Variants in GPHN observed in about 807,000 individuals in gnomAD.
GPHN encodes the protein gephyrin.
In GPHN, 17 loss-of-function variants were observed where a neutral mutation model predicts 95.5. The ratio of observed to expected loss-of-function variants is 0.18; its 90% CI spans 0.12 to 0.27. The LOEUF (loss-of-function observed/expected upper bound fraction) is 0.27. GPHN is among the 10% of genes least tolerant of loss of function. GPHN has a pLI of 1.00. For synonymous variants in GPHN, 320 were observed against 322.5 expected, an observed-to-expected ratio of 0.99 and a Z score of 0.08; for missense variants, 660 against 978.1, an observed-to-expected ratio of 0.67 and a Z score of 4.34.
the GPHN span, among the ~76,000 whole-genome samples, chr14:67,262,620 A>G: frequency 5.3e-5 from 8 of 152,166 alleles, no homozygotes; most frequent in Admixed American, 5.2e-4. Flanking sequence ...ATTTTACCCT[A>G]GTCAACTCTG....
At chr14:66,837,524 G>A (rs931128016) in intron 4 of GPHN, among the ~76,000 whole-genome samples, 2 of 149,940 alleles carry the variant, frequency 1.3e-5, no homozygotes, top group Non-Finnish European at 3.0e-5. Context: ...CAGCACACCA[G>A]CATGGCACAT....
chr14:67,443,404 T>A, the GPHN span, among the ~76,000 whole-genome samples: 1 of 152,072 alleles, frequency 6.6e-6, no homozygotes, highest in Non-Finnish European at 1.5e-5. Flanking sequence ...ACAACCTTTT[T>A]AATCACCTGC....
chr14:66,869,625 ACTC>A (rs1238280109), intron 4 of GPHN, among the ~76,000 whole-genome samples: 1 of 151,674 alleles, frequency 6.6e-6, no homozygotes. Flanking sequence ...GTTCTCTACT[ACTC>A]TTTGCAGGTA....
intron 11 of GPHN, among the ~76,000 whole-genome samples, chr14:67,087,701 T>A (rs988719169): frequency 1.3e-5 from 2 of 152,154 alleles, no homozygotes; most frequent in African/African-American, 4.8e-5. Context: ...TACTTCTAGG[T>A]CCTAGGATCT....
At chr14:66,918,960 T>C (rs369791383) in intron 6 of GPHN, among the ~76,000 whole-genome samples, 1 of 152,266 alleles carries the variant, frequency 6.6e-6, no homozygotes, top group Admixed American at 6.5e-5. Context: ...TTACTTCAAA[T>C]GTGAAAGAGA....
rs140474913 is a variant in GPHN at position 67,041,618 on chromosome 14, T to C, written c.1007-17031T>C. 2.3e-3 allele frequency among the ~76,000 whole-genome samples: 343 copies of C among 152,340 alleles called. 3 individuals are homozygous for C. The Middle Eastern group carries it at 0.024, about 11-fold the overall frequency. ...ACATTTTCTTAATCCAGTGTATCAT[T>C]GATGGACATCTGGGTTGGTTCCAAG... On this transcript the variant is annotated intron_variant, in intron 10 of 22. Coordinates refer to ENST00000478722, the MANE Select transcript of GPHN (RefSeq NM_020806.5).
At chr14:67,522,905 C>T in the GPHN span, among the ~76,000 whole-genome samples, 1 of 152,234 alleles carries the variant, frequency 6.6e-6, no homozygotes, top group Non-Finnish European at 1.5e-5. Context: ...TTGATGATCC[C>T]AGAGACTCTA....
rs542048953 is a variant in GPHN, at chr14:66,758,067, A to C, written c.144-18397A>C. On this transcript the variant is annotated intron_variant, in intron 2 of 22. Transcript: ENST00000478722. The stretch of plus-strand genomic sequence containing the variant: ...TGTGCTGATTGGTTTGTGATTATGC[A>C]AAAAAGGTTAAAGTGAAGACACCAC... Among the ~76,000 whole-genome samples, 28 of 152,306 alleles carry C rather than the reference A, an allele frequency of 1.8e-4. No individual in the cohort carries two copies. In the East Asian group the frequency reaches 4.6e-3, roughly 25 times the overall value.
chr14:66,782,022 T>G (rs2059623752), intron 3 of GPHN, among the ~76,000 whole-genome samples: 1 of 152,216 alleles, frequency 6.6e-6, no homozygotes, highest in African/African-American at 2.4e-5. Context: ...TATTTAAATA[T>G]TCTTTGTCTG....
intron 1 of GPHN, among the ~76,000 whole-genome samples, chr14:66,557,812 T>A (rs971693877): frequency 5.4e-4 from 82 of 152,168 alleles, no homozygotes; most frequent in African/African-American, 1.9e-3. Context: ...GAATTATGCA[T>A]GGAATGAATT....
intron 3 of GPHN, among the ~76,000 whole-genome samples, chr14:66,819,952 G>C (rs969046410): frequency 6.6e-6 from 1 of 152,040 alleles, no homozygotes; most frequent in African/African-American, 2.4e-5. Context: ...TTAAGCAGAA[G>C]AAAAGGGAAC....
the GPHN span, among the ~76,000 whole-genome samples, chr14:67,190,014 A>ATTT: frequency 1.8e-5 from 2 of 113,238 alleles, no homozygotes; most frequent in South Asian, 2.8e-4. Flanking sequence ...CTAATTTTGT[A>ATTT]TTTTTTTTTT....
chr14:67,221,578 A>G, the GPHN span, among the ~76,000 whole-genome samples: 1 of 152,234 alleles, frequency 6.6e-6, no homozygotes, highest in Non-Finnish European at 1.5e-5. Context: ...TACAGATTGA[A>G]TAGTCCACAT....
At chr14:66,830,971 A>C (rs1253607170) in intron 4 of GPHN, among the ~76,000 whole-genome samples, 1 of 152,092 alleles carries the variant, frequency 6.6e-6, no homozygotes, top group Non-Finnish European at 1.5e-5. Context: ...GTATTATTTT[A>C]TGTAGTCATT....
the GPHN span, among the ~76,000 whole-genome samples, chr14:67,611,425 TTGG>T: frequency 4.0e-5 from 6 of 150,552 alleles, no homozygotes; most frequent in African/African-American, 1.2e-4. Flanking sequence ...GGCTAATTTT[TTGG>T]TTTTTTTTTT....
At chr14:66,684,060 A>G (rs1461163435) in intron 2 of GPHN, among the ~76,000 whole-genome samples, 1 of 152,160 alleles carries the variant, frequency 6.6e-6, no homozygotes, top group Admixed American at 6.5e-5. Context: ...AAAATTGTAT[A>G]CATGTCATTT....
At chr14:66,908,303 G>A (rs2153553820) in intron 5 of GPHN, among the ~76,000 whole-genome samples, 1 of 151,852 alleles carries the variant, frequency 6.6e-6, no homozygotes, top group East Asian at 1.9e-4. Context: ...AACACACATT[G>A]GCGGGTATAT....
At chr14:67,140,025 G>A (rs2080355653) in intron 17 of GPHN, among the ~76,000 whole-genome samples, 3 of 152,232 alleles carry the variant, frequency 2.0e-5, no homozygotes, top group African/African-American at 4.8e-5. Context: ...AAAATTTCAT[G>A]TAGAGAATTG....
At chr14:67,250,936 TTATGCTG>T in the GPHN span, among the ~76,000 whole-genome samples, 14 of 152,362 alleles carry the variant, frequency 9.2e-5, no homozygotes, top group Non-Finnish European at 5.9e-5. Context: ...TCTTAATGTG[TTATGCTG>T]TATGCTGTAT....
Sources: allele counts gnomAD v4.1 joint callset (sites outside exome capture counted in the v4.1 genomes callset), GRCh38; gene constraint gnomAD v4.1.1; transcripts MANE v1.5; gene names NCBI Gene and HGNC (gene_info 2026-07-23, HGNC 2026-07-21).